The following DLG2 variants were observed in gnomAD, a reference collection of about 807,000 sequenced individuals.
DLG2 encodes the protein disks large homolog 2.
Under a neutral mutation model 132.5 loss-of-function variants are expected in DLG2, and 45 were observed. That is an observed-to-expected ratio of 0.34 (90% CI 0.27 to 0.44). DLG2 has a LOEUF of 0.44. Ranked by LOEUF, DLG2 falls within the 20% of genes least tolerant of loss-of-function variation. The pLI is 1.00. For synonymous variants in DLG2, 424 were observed against 419.6 expected, an observed-to-expected ratio of 1.01 and a Z score of -0.13; for missense variants, 1,045 against 1,196.9, an observed-to-expected ratio of 0.87 and a Z score of 1.87.
chr11:84,888,094 T>C (rs990625709), intron 6 of DLG2, among the ~76,000 whole-genome samples: 3 of 152,118 alleles, frequency 2.0e-5, no homozygotes, highest in Non-Finnish European at 4.4e-5. Flanking sequence ...ACACTGCAAA[T>C]TGATAAACAA....
At chr11:84,768,586 A>G (rs1225624192) in intron 6 of DLG2, among the ~76,000 whole-genome samples, 5 of 152,178 alleles carry the variant, frequency 3.3e-5, no homozygotes, top group Non-Finnish European at 7.4e-5. Flanking sequence ...ATTCATTGGT[A>G]TATGTCTACC....
chr11:84,292,362 T>C (rs1164351789), intron 7 of DLG2, among the ~76,000 whole-genome samples: 1 of 152,154 alleles, frequency 6.6e-6, no homozygotes, highest in African/African-American at 2.4e-5. Flanking sequence ...CTAGGTAAGT[T>C]TGAAAAATGG....
chr11:83,460,089 G>C (rs551494510), intron 27 of DLG2, among the ~76,000 whole-genome samples, 165 bp from the exon 28 acceptor site: 1 of 152,206 alleles, frequency 6.6e-6, no homozygotes, highest in Non-Finnish European at 1.5e-5. Flanking sequence ...TATAAGCAAA[G>C]TTACATTCAT....
intron 7 of DLG2, among the ~76,000 whole-genome samples, chr11:84,287,756 A>ACG (rs966688528): frequency 6.6e-6 from 1 of 150,720 alleles, no homozygotes; most frequent in African/African-American, 2.4e-5. Flanking sequence ...ACACACACAC[A>ACG]CACACACACA....
At chr11:84,883,112 T>C (rs977636274) in intron 6 of DLG2, among the ~76,000 whole-genome samples, 1 of 152,138 alleles carries the variant, frequency 6.6e-6, no homozygotes, top group Non-Finnish European at 1.5e-5. Flanking sequence ...ATATACATCA[T>C]GGAATACTAT....
At chr11:85,032,328 C>A (rs746636742) in intron 6 of DLG2, among the ~76,000 whole-genome samples, 3 of 152,148 alleles carry the variant, frequency 2.0e-5, no homozygotes, top group Non-Finnish European at 4.4e-5. Flanking sequence ...AATATTTACC[C>A]TTGCCTATCC....
At chr11:84,715,390 A>T (rs191796204) in intron 6 of DLG2, among the ~76,000 whole-genome samples, 56 of 152,156 alleles carry the variant, frequency 3.7e-4, no homozygotes, top group African/African-American at 1.3e-3. Flanking sequence ...GTGTGTATGT[A>T]AGAATACCTA....
rs181499272 is a variant in DLG2 at position 84,123,022 on chromosome 11, A to C, written c.625-23975T>G. Among the ~76,000 whole-genome samples the C allele has an allele frequency of 3.4e-3, 525 of 152,192 alleles. 2 individuals carry two copies. The highest frequency in any genetic ancestry group is 0.012 in the African/African-American group (493 of 41,520). On this transcript the variant is annotated intron_variant, in intron 9 of 27. Transcript: ENST00000376104. ...AAAGAAGGAAAATATTGGAAAAAAA[A>C]CCCCTAATATTTGCAGAGAGACATG... is the stretch of plus-strand genomic sequence containing the variant.
At chr11:84,371,707 G>A (rs1213469286) in intron 7 of DLG2, among the ~76,000 whole-genome samples, 1 of 152,018 alleles carries the variant, frequency 6.6e-6, no homozygotes, top group Non-Finnish European at 1.5e-5. Flanking sequence ...TACTTCTCAT[G>A]GTGAGCTCAA....
chr11:83,509,220 T>C (rs144811617), intron 21 of DLG2, among the ~76,000 whole-genome samples: 52 of 152,342 alleles, frequency 3.4e-4, no homozygotes, highest in Non-Finnish European at 6.0e-4. Context: ...CTAATAAGTT[T>C]GATTCAAATC....
chr11:84,991,676 T>C (rs1021642476), intron 6 of DLG2, among the ~76,000 whole-genome samples: 5 of 152,192 alleles, frequency 3.3e-5, no homozygotes, highest in Non-Finnish European at 4.4e-5. Context: ...ATCTTTACTG[T>C]ATCACTGTCA....
chr11:85,513,846 A>T (rs1394111283), intron 3 of DLG2, among the ~76,000 whole-genome samples: 1 of 151,916 alleles, frequency 6.6e-6, no homozygotes, highest in Non-Finnish European at 1.5e-5. Flanking sequence ...ATTATCCAAC[A>T]ATCTCCCAAA....
chr11:83,655,002 G>A lies in DLG2; in HGVS notation c.1826-21677C>T, dbSNP rs539758588. The stretch of plus-strand genomic sequence containing the variant: ...GGTGTTGTAAGATTCCAGCCCATGT[G>A]AGAATGAATGGTTGTCTTCATGCCC... On this transcript the variant is annotated intron_variant, in intron 18 of 27. Transcript: ENST00000376104. Among the ~76,000 whole-genome samples the A allele has an allele frequency of 3.3e-5, 5 of 152,310 alleles. No individual in the cohort carries two copies. The South Asian group carries it at 1.0e-3, about 32-fold the overall frequency.
intron 6 of DLG2, among the ~76,000 whole-genome samples, chr11:84,765,545 G>C (rs2068287753): frequency 6.6e-6 from 1 of 151,928 alleles, no homozygotes; most frequent in Non-Finnish European, 1.5e-5. Flanking sequence ...TCATTTTTTA[G>C]GATCTACTGT....
chr11:84,551,123 T>G (rs182517603), intron 6 of DLG2, among the ~76,000 whole-genome samples: 2 of 152,302 alleles, frequency 1.3e-5, no homozygotes, highest in Admixed American at 1.3e-4. Flanking sequence ...GCAGAAAGTG[T>G]GGCCCTATTA....
intron 6 of DLG2, among the ~76,000 whole-genome samples, chr11:84,827,676 CAAAAAAAA>C (rs398016953): frequency 1.7e-4 from 6 of 35,102 alleles, no homozygotes; most frequent in Admixed American, 7.9e-4. Context: ...TACATACAGT[CAAAAAAAA>C]AAAAAAAAAA....
At chr11:84,230,460 T>C (rs148075292) in intron 8 of DLG2, among the ~76,000 whole-genome samples, 5 of 152,366 alleles carry the variant, frequency 3.3e-5, no homozygotes, top group Middle Eastern at 3.4e-3. Context: ...TTTGTAAAAG[T>C]ATAAAATAAA....
chr11:84,927,757 A>C lies in DLG2; in HGVS notation c.357+183904T>G, dbSNP rs539580874. On this transcript the variant is annotated intron_variant, in intron 6 of 27. Coordinates refer to ENST00000376104, the MANE Select transcript of DLG2 (RefSeq NM_001142699.3). Reference sequence around the variant, plus strand: ...TGATGATTATTTTAACCATTTAAAAATGTACACCATTTCTTAGCTTGTAAA... The same window carrying C: ...TGATGATTATTTTAACCATTTAAAACTGTACACCATTTCTTAGCTTGTAAA... Among the ~76,000 whole-genome samples, 96 of 152,152 alleles carry C rather than the reference A, an allele frequency of 6.3e-4. 1 individual carries two copies. The South Asian group carries it at 8.9e-3, about 14-fold the overall frequency.
intron 19 of DLG2, among the ~76,000 whole-genome samples, chr11:83,583,349 A>G (rs1196732111): frequency 6.6e-6 from 1 of 152,204 alleles, no homozygotes; most frequent in Non-Finnish European, 1.5e-5. Context: ...CATATTACCG[A>G]AAGCCTGCAA....
Sources: allele counts gnomAD v4.1 joint callset (sites outside exome capture counted in the v4.1 genomes callset), GRCh38; gene constraint gnomAD v4.1.1; transcripts MANE v1.5; gene names NCBI Gene and HGNC (gene_info 2026-07-23, HGNC 2026-07-21).